Variants in DDX10 observed in about 807,000 individuals in gnomAD.
DDX10 encodes probable ATP-dependent RNA helicase DDX10.
A neutral mutation model predicts 104.3 loss-of-function variants in DDX10; 74 were observed. That is an observed-to-expected ratio of 0.71 (90% CI 0.59 to 0.86). The LOEUF is 0.86. Ranked by LOEUF, DDX10 falls within the 40% of genes least tolerant of loss-of-function variation. The probability of loss-of-function intolerance (pLI) is 0.00; values close to 1 mark genes in which losing one functional copy is unlikely to be tolerated. For missense variants in DDX10, 952 were observed against 1,040.0 expected (o/e 0.92, Z 1.16); for synonymous variants, 351 against 353.4 (o/e 0.99, Z 0.08).
At chr11:108,878,565 GTTT>G (rs1863183546) in intron 16 of DDX10, among the ~76,000 whole-genome samples, 1 of 151,930 alleles carries the variant, frequency 6.6e-6, no homozygotes, top group African/African-American at 2.4e-5. Flanking sequence ...AATTCTCCTT[GTTT>G]TTGCCACAAT....
At chr11:108,703,293 G>A (rs1344216700) in intron 9 of DDX10, among the ~76,000 whole-genome samples, 1 of 152,128 alleles carries the variant, frequency 6.6e-6, no homozygotes, top group East Asian at 1.9e-4. Flanking sequence ...AAATAAATAT[G>A]TTTTGAAAAC....
At chr11:108,905,580 C>T (rs1428006797) in intron 16 of DDX10, among the ~76,000 whole-genome samples, 4 of 152,052 alleles carry the variant, frequency 2.6e-5, no homozygotes, top group African/African-American at 9.7e-5. Flanking sequence ...CTCAAAAATG[C>T]CCTCTTGCTG....
intron 17 of DDX10, among the ~76,000 whole-genome samples, chr11:108,930,305 C>A (rs975282043): frequency 3.3e-5 from 5 of 152,182 alleles, no homozygotes; most frequent in Admixed American, 6.5e-5. Context: ...TTTTAAGGTT[C>A]CGCTATATCT....
intron 16 of DDX10, among the ~76,000 whole-genome samples, chr11:108,910,040 C>G (rs185198820): frequency 1.4e-5 from 2 of 145,744 alleles, no homozygotes; most frequent in African/African-American, 5.1e-5. Context: ...AGAATACTTG[C>G]AGGAAGACGT....
chr11:108,779,392 A>G (rs2094374728), intron 13 of DDX10, among the ~76,000 whole-genome samples: 1 of 152,228 alleles, frequency 6.6e-6, no homozygotes, highest in Admixed American at 6.5e-5. Flanking sequence ...TTGCAGGGAC[A>G]TGGATGAAGC....
chr11:108,800,644 T>G (rs1862008318), intron 13 of DDX10, among the ~76,000 whole-genome samples: 1 of 152,156 alleles, frequency 6.6e-6, no homozygotes, highest in Non-Finnish European at 1.5e-5. Flanking sequence ...GAAATCAAAA[T>G]CTTGTTGATC....
At chr11:108,748,493 G>A (rs944859064) in intron 13 of DDX10, among the ~76,000 whole-genome samples, 2 of 152,160 alleles carry the variant, frequency 1.3e-5, no homozygotes, top group African/African-American at 2.4e-5. Context: ...GTTAGTTCAC[G>A]TGGTATATTC....
At position 108,692,028 on chromosome 11, in the gene DDX10, C is replaced by A. The variant is rs752523415; in HGVS notation, c.1128C>A (p.Ala376=). 1.2e-5 allele frequency: 19 copies of A among 1,600,668 alleles called. No individual in the cohort carries two copies. In the Admixed American group the frequency reaches 2.2e-4, roughly 19 times the overall value. Reference sequence around the variant, plus strand: ...TACTCTTTGCTACTGATATTGCAGCCAGGGGTCTGGGTAAGAAAACTTCCT... The same window carrying A: ...TACTCTTTGCTACTGATATTGCAGCAAGGGGTCTGGGTAAGAAAACTTCCT... The part of the protein sequence containing the change: ...AAVLFATDIA[A]RGLDFPAVNW... The change falls in exon 8 of 18, where the codon GCC becomes GCA. Residue 376 remains alanine, a synonymous_variant. Transcript: ENST00000322536.
chr11:108,764,834 A>G (rs2094354592), intron 13 of DDX10, among the ~76,000 whole-genome samples: 1 of 152,194 alleles, frequency 6.6e-6, no homozygotes. Flanking sequence ...AACTGATCAT[A>G]AAATAACTAA....
At chr11:108,807,618 A>C (rs774711422) in intron 13 of DDX10, among the ~76,000 whole-genome samples, 18 of 152,206 alleles carry the variant, frequency 1.2e-4, no homozygotes, top group Non-Finnish European at 2.4e-4. Context: ...AAATCATATC[A>C]GGATATTTGT....
chr11:108,714,677 A>C (rs1438762669), intron 10 of DDX10, among the ~76,000 whole-genome samples: 1 of 152,150 alleles, frequency 6.6e-6, no homozygotes, highest in Non-Finnish European at 1.5e-5. Flanking sequence ...TTGTCTATCC[A>C]TTTCAGAGAG....
chr11:108,814,926 C>T (rs1456196627), intron 13 of DDX10, among the ~76,000 whole-genome samples: 2 of 152,174 alleles, frequency 1.3e-5, no homozygotes, highest in Non-Finnish European at 2.9e-5. Context: ...GATGAGGGCT[C>T]ATTGCCCAGC....
intron 15 of DDX10, among the ~76,000 whole-genome samples, chr11:108,849,245 A>G (rs1327336842): frequency 6.6e-6 from 1 of 152,114 alleles, no homozygotes; most frequent in East Asian, 1.9e-4. Context: ...TTTTTGAAAA[A>G]TAGGTTATTC....
chr11:108,710,014 A>G (rs1034801409), intron 10 of DDX10, among the ~76,000 whole-genome samples: 1 of 152,216 alleles, frequency 6.6e-6, no homozygotes, highest in African/African-American at 2.4e-5. Context: ...TACATGCTGT[A>G]CACTGAATAC....
intron 16 of DDX10, among the ~76,000 whole-genome samples, chr11:108,884,642 C>T (rs529606963): frequency 1.3e-5 from 2 of 152,258 alleles, no homozygotes; most frequent in East Asian, 3.9e-4. Context: ...ACTCTTCTTC[C>T]TTGGTTTCTC....
At chr11:108,800,531 C>G (rs891312134) in intron 13 of DDX10, among the ~76,000 whole-genome samples, 3 of 149,572 alleles carry the variant, frequency 2.0e-5, no homozygotes, top group Non-Finnish European at 4.4e-5. Flanking sequence ...GCACTTGTTT[C>G]TTGTTACCTG....
At chr11:108,911,277 T>C (rs111846586) in intron 16 of DDX10, among the ~76,000 whole-genome samples, 40 of 152,342 alleles carry the variant, frequency 2.6e-4, no homozygotes, top group African/African-American at 8.2e-4. Flanking sequence ...CCATTTGTGC[T>C]GTTATAACAA....
At chr11:108,767,385 C>T (rs748555063) in intron 13 of DDX10, 5 of 152,146 alleles carry the variant, frequency 3.3e-5, no homozygotes, top group Admixed American at 6.5e-5. Context: ...ATTCAGGCAT[C>T]GTAGACTTGA....
chr11:108,701,925 A>G (rs116891142), intron 9 of DDX10, among the ~76,000 whole-genome samples: 18,652 of 151,938 alleles, frequency 0.12, 1,559 homozygotes, highest in East Asian at 0.27. Context: ...ACCTCAGGTG[A>G]TCCACCCGCC....
Sources: allele counts gnomAD v4.1 joint callset (sites outside exome capture counted in the v4.1 genomes callset), GRCh38; gene constraint gnomAD v4.1.1; transcripts MANE v1.5; gene names NCBI Gene and HGNC (gene_info 2026-07-23, HGNC 2026-07-21).